The following IQSEC1 variants were observed in gnomAD, a reference collection of about 807,000 sequenced individuals.
IQSEC1 encodes IQ motif and SEC7 domain-containing protein 1.
Under a neutral mutation model 91.0 loss-of-function variants are expected in IQSEC1, and 31 were observed. The ratio of observed to expected loss-of-function variants is 0.34; its 90% CI spans 0.26 to 0.46. The LOEUF (loss-of-function observed/expected upper bound fraction) is 0.46, where lower values mean the gene tolerates loss of function less well. IQSEC1 is among the 20% of genes least tolerant of loss of function. The probability of loss-of-function intolerance (pLI) is 1.00; values close to 1 mark genes in which losing one functional copy is unlikely to be tolerated. For missense variants in IQSEC1, 1,388 were observed against 1,575.6 expected, an observed-to-expected ratio of 0.88 and a Z score of 2.02; for synonymous variants, 699 against 662.6, an observed-to-expected ratio of 1.05 and a Z score of -0.84.
chr3:12,958,597 T>C (rs1700062717), intron 1 of IQSEC1, among the ~76,000 whole-genome samples: 1 of 152,170 alleles, frequency 6.6e-6, no homozygotes, highest in Admixed American at 6.5e-5. Flanking sequence ...CCATGGGTGC[T>C]AGAGGGAGGT....
At chr3:13,132,908 T>A (rs1176326367) in intron 2 of IQSEC1, among the ~76,000 whole-genome samples, 1 of 152,172 alleles carries the variant, frequency 6.6e-6, no homozygotes, top group African/African-American at 2.4e-5. Flanking sequence ...AACCCCCGAA[T>A]GCACAGATCA....
In IQSEC1 at chr3:13,282,760, C is replaced by T. The variant is rs942119436; in HGVS notation, c.223G>A (p.Gly75Ser). ...GGGATGGCGCCGAGCGGCTGCGGGC[C>T]GGGGCCGGGGCCCGGGTCGGGGCGG... Residue 75 changes from glycine (G) to serine (S), a missense_variant, in exon 1 of 16, where the codon GGC becomes AGC. Transcript: ENST00000648114. This position sits in a 1 kb window ranked among gnomAD's most constrained non-coding sequence, Gnocchi z 6.4. Among the ~76,000 whole-genome samples, 12 of 148,760 alleles carry T rather than the reference C, an allele frequency of 8.1e-5. No homozygotes were observed. Among genetic ancestry groups the T allele is most frequent in the Non-Finnish European group, 1.2e-4 (8 of 66,778 alleles).
intron 1 of IQSEC1, among the ~76,000 whole-genome samples, chr3:12,958,673 C>A (rs955376817): frequency 1.3e-5 from 2 of 152,218 alleles, no homozygotes; most frequent in Non-Finnish European, 2.9e-5. Context: ...AGCACCCATA[C>A]CTGGGGAGCA....
At chr3:13,185,961 G>A (rs1693924172) in intron 1 of IQSEC1, among the ~76,000 whole-genome samples, 1 of 152,250 alleles carries the variant, frequency 6.6e-6, no homozygotes, top group Non-Finnish European at 1.5e-5. Flanking sequence ...ATGCCCTTCA[G>A]AGAAGACAAT....
chr3:13,063,587 G>A (rs1265170607), intron 1 of IQSEC1, among the ~76,000 whole-genome samples: 1 of 152,226 alleles, frequency 6.6e-6, no homozygotes, highest in African/African-American at 2.4e-5. Flanking sequence ...CTGGGGCCCC[G>A]GTTCTGGGAG....
At chr3:13,095,919 T>C (rs1705947775) in intron 2 of IQSEC1, among the ~76,000 whole-genome samples, 1 of 152,154 alleles carries the variant, frequency 6.6e-6, no homozygotes, top group Non-Finnish European at 1.5e-5. Flanking sequence ...ATTCACTGAT[T>C]TATTCACACA....
At chr3:12,948,490 C>T (rs148341986) in intron 1 of IQSEC1, among the ~76,000 whole-genome samples, 16 of 152,326 alleles carry the variant, frequency 1.1e-4, no homozygotes, top group Non-Finnish European at 1.8e-4. Context: ...GACAGTCCAA[C>T]CCCAGCCCCT....
intron 1 of IQSEC1, among the ~76,000 whole-genome samples, chr3:13,200,347 G>A (rs954983870): frequency 1.3e-5 from 2 of 152,024 alleles, no homozygotes; most frequent in East Asian, 1.9e-4. Flanking sequence ...AACCATGACC[G>A]GGGAAGACTG....
chr3:13,266,149 G>T (rs1323820168), intron 1 of IQSEC1, among the ~76,000 whole-genome samples: 1 of 152,106 alleles, frequency 6.6e-6, no homozygotes, highest in Non-Finnish European at 1.5e-5. Context: ...TTCCATATGA[G>T]GAAACACTCC....
At chr3:13,135,846 C>T (rs1706698841) in intron 2 of IQSEC1, among the ~76,000 whole-genome samples, 1 of 152,214 alleles carries the variant, frequency 6.6e-6, no homozygotes, top group Non-Finnish European at 1.5e-5. Context: ...CCCTATTCCT[C>T]TGCTGCCAGC....
chr3:13,141,816 G>A (rs1157113725), intron 2 of IQSEC1, among the ~76,000 whole-genome samples: 1 of 152,212 alleles, frequency 6.6e-6, no homozygotes, highest in Non-Finnish European at 1.5e-5. Flanking sequence ...CAGGGAGGTG[G>A]ATGATGGATG....
chr3:13,100,586 T>C lies in IQSEC1; in HGVS notation c.303-53064A>G, dbSNP rs189050854. 2.8e-3 allele frequency among the ~76,000 whole-genome samples: 423 copies of C among 148,572 alleles called. 53 individuals carry two copies. The highest frequency in any genetic ancestry group is 0.01 in the African/African-American group (397 of 39,422). On this transcript the variant is annotated intron_variant, in intron 2 of 15. Transcript: ENST00000648114. ...CCAGGCAACTACAAGGTCACTGATT[T>C]TCAGGTCAGCGGTTGGGAGTGGGTG...
At chr3:13,206,156 T>TCCCTCCATCCACCCATCCCC (rs1694340654) in intron 1 of IQSEC1, among the ~76,000 whole-genome samples, 1 of 117,932 alleles carries the variant, frequency 8.5e-6, no homozygotes, top group African/African-American at 3.3e-5. Context: ...CACCTATCCA[T>TCCCTCCATCCACCCATCCCC]CCCTCCATCC....
intron 1 of IQSEC1, among the ~76,000 whole-genome samples, chr3:12,950,196 G>A (rs1699448660): frequency 6.6e-6 from 1 of 152,200 alleles, no homozygotes. Flanking sequence ...TGTGATCCTT[G>A]CCCAGGACTG....
chr3:12,965,357 G>T (rs1276667318), intron 1 of IQSEC1, among the ~76,000 whole-genome samples: 1 of 152,232 alleles, frequency 6.6e-6, no homozygotes, highest in Non-Finnish European at 1.5e-5. Context: ...TTTAGAGAGG[G>T]GGAGACGGCC....
chr3:13,122,288 G>T (rs565613259), intron 2 of IQSEC1, among the ~76,000 whole-genome samples: 2 of 152,388 alleles, frequency 1.3e-5, no homozygotes, highest in African/African-American at 4.8e-5. Context: ...GCAAAGGCCC[G>T]GGACAGGGAG....
intron 2 of IQSEC1, among the ~76,000 whole-genome samples, chr3:13,105,984 G>A (rs1706145186): frequency 6.6e-6 from 1 of 152,232 alleles, no homozygotes; most frequent in Non-Finnish European, 1.5e-5. Context: ...CCATAGCTGA[G>A]AAAATCCGGC....
At chr3:13,052,235 G>A (rs28393314) in intron 1 of IQSEC1, among the ~76,000 whole-genome samples, 15,938 of 152,170 alleles carry the variant, frequency 0.1, 1,375 homozygotes, top group African/African-American at 0.24. Context: ...CCTGGCAACT[G>A]CCTATCTCTT....
intron 3 of IQSEC1, among the ~76,000 whole-genome samples, chr3:12,933,537 A>G (rs746423893): frequency 1.1e-4 from 17 of 152,228 alleles, no homozygotes; most frequent in Non-Finnish European, 2.2e-4. Context: ...TCAGCACTTC[A>G]CACAGACCAA....
Sources: allele counts gnomAD v4.1 joint callset (sites outside exome capture counted in the v4.1 genomes callset), GRCh38; gene constraint gnomAD v4.1.1; non-coding constraint Gnocchi (gnomAD v3.1); transcripts MANE v1.5; gene names NCBI Gene and HGNC (gene_info 2026-07-23, HGNC 2026-07-21).